Variants in AGPAT4 observed in about 807,000 individuals in gnomAD.
AGPAT4 encodes 1-acyl-sn-glycerol-3-phosphate acyltransferase delta.
AGPAT4 carries 15 observed loss-of-function variants against 48.0 expected under a neutral mutation model. The observed-to-expected ratio is 0.31, with a 90% CI of 0.21 to 0.48. The LOEUF (loss-of-function observed/expected upper bound fraction) is 0.48. Among genes scored for constraint, AGPAT4 ranks in the 20% least tolerant of loss-of-function variants. The pLI is 0.99. For missense variants in AGPAT4, 314 were observed against 482.5 expected (o/e 0.65, Z 3.27); for synonymous variants, 178 against 198.7 (o/e 0.90, Z 0.88).
chr6:161,231,963 C>A lies in AGPAT4; in HGVS notation c.178+73G>T. On this transcript the variant is annotated intron_variant, in intron 2 of 8. Transcript: ENST00000320285. This position sits in a 1 kb window ranked among gnomAD's most constrained non-coding sequence, Gnocchi z 5.3. Reference sequence around the variant, plus strand: ...GGCACACAACGAAAGCCTAGTGAATCCATATCAAGAGCCATAATTCTGATA... The same window carrying A: ...GGCACACAACGAAAGCCTAGTGAATACATATCAAGAGCCATAATTCTGATA... 1.4e-6 allele frequency: 2 copies of A among 1,435,402 alleles called. No homozygotes were observed. The highest frequency in any genetic ancestry group is 2.3e-5 in the East Asian group (1 of 42,840). 88.9% of individuals were successfully genotyped at this position (1,435,402 alleles called of 1,614,324 possible).
At chr6:161,167,834 C>G (rs1780150008) in intron 2 of AGPAT4, among the ~76,000 whole-genome samples, 1 of 152,188 alleles carries the variant, frequency 6.6e-6, no homozygotes, top group Non-Finnish European at 1.5e-5. Context: ...GGGGTTGCCC[C>G]AAAGGGTTCT....
At position 161,261,478 on chromosome 6, in the gene AGPAT4, A is replaced by G. The variant is rs2114751155; in HGVS notation, c.-90+12460T>C. Among the ~76,000 whole-genome samples, 1 of 152,322 alleles carries G rather than the reference A, an allele frequency of 6.6e-6. No individual in the cohort carries two copies. Among genetic ancestry groups the G allele is most frequent in the East Asian group, 1.9e-4 (1 of 5,178 alleles). On this transcript the variant is annotated intron_variant, in intron 1 of 8. Coordinates refer to ENST00000320285, the MANE Select transcript of AGPAT4 (RefSeq NM_020133.3). The surrounding 1 kb of genome is among the most constrained non-coding windows in gnomAD (Gnocchi z 5.3). ...AAATATCCATAGAATGAATGAACTG[A>G]ATGGTCAGTCACATTCACCACACTG...
In AGPAT4 at chr6:161,177,982, A is replaced by G. The variant is rs1780473100; in HGVS notation, c.179-11565T>C. On this transcript the variant is annotated intron_variant, in intron 2 of 8. Coordinates refer to ENST00000320285, the MANE Select transcript of AGPAT4 (RefSeq NM_020133.3). The surrounding 1 kb of genome is among the most constrained non-coding windows in gnomAD (Gnocchi z 5.0). ...AGAACAGCAAATATTACAGAACAGC[A>G]AATGTTGCTGCCTGATCCTTCCTCT... is the stretch of plus-strand genomic sequence containing the variant. 6.6e-6 allele frequency among the ~76,000 whole-genome samples: 1 copy of G among 152,194 alleles called. No homozygotes were observed. The highest frequency in any genetic ancestry group is 1.5e-5 in the Non-Finnish European group (1 of 68,034).
intron 1 of AGPAT4, among the ~76,000 whole-genome samples, chr6:161,250,197 G>T (rs751051862): frequency 2.0e-5 from 3 of 152,140 alleles, no homozygotes; most frequent in Non-Finnish European, 4.4e-5. Context: ...ATCAGATGGC[G>T]GAGGGTGGGA....
chr6:161,172,583 G>C (rs1780295601), intron 2 of AGPAT4, among the ~76,000 whole-genome samples: 1 of 152,214 alleles, frequency 6.6e-6, no homozygotes, highest in African/African-American at 2.4e-5. Context: ...CAGAGATGTG[G>C]TCAGGGCTTC....
chr6:161,199,184 A>G (rs1380711149), intron 2 of AGPAT4, among the ~76,000 whole-genome samples: 1 of 152,046 alleles, frequency 6.6e-6, no homozygotes, highest in African/African-American at 2.4e-5. Flanking sequence ...TCAGACTTGC[A>G]GAAACATACA....
At position 161,130,949 on chromosome 6, in the gene AGPAT4, C is replaced by CT. The variant is rs1228642818; in HGVS notation, c.*5590dup. Reference sequence around the variant, plus strand: ...ATGTCCTAGAATGTTTGGCAAAGATCTGGCTAAAACTAGTACTATGGAATA... The same window carrying CT: ...ATGTCCTAGAATGTTTGGCAAAGATCTTGGCTAAAACTAGTACTATGGAATA... On this transcript the variant is annotated 3_prime_UTR_variant, in exon 9 of 9. Transcript: ENST00000320285. 3.9e-6 allele frequency: 2 copies of CT among 517,826 alleles called. No homozygotes were observed. The highest frequency in any genetic ancestry group is 1.4e-5 in the South Asian group (1 of 71,508). 32.1% of individuals were successfully genotyped at this position (517,826 alleles called of 1,614,324 possible).
In AGPAT4 at chr6:161,164,232, T is replaced by C. The variant is rs1439831620; in HGVS notation, c.348+2016A>G. 2.0e-5 allele frequency among the ~76,000 whole-genome samples: 3 copies of C among 152,242 alleles called. No homozygotes were observed. Among genetic ancestry groups the C allele is most frequent in the African/African-American group, 7.2e-5 (3 of 41,460 alleles). ...CCGTCTGGGGGCTATGTCCTCTCTC[T>C]GGACCTGGGTCCCTCCCTGCATGTG... On this transcript the variant is annotated intron_variant, in intron 3 of 8. Transcript: ENST00000320285. The surrounding 1 kb of genome is among the most constrained non-coding windows in gnomAD (Gnocchi z 7.4).
chr6:161,183,160 T>C (rs962766976), intron 2 of AGPAT4, among the ~76,000 whole-genome samples: 4 of 152,116 alleles, frequency 2.6e-5, no homozygotes, highest in Non-Finnish European at 5.9e-5. Flanking sequence ...CAACACCAAG[T>C]GTTTCTGATG....
At position 161,144,707 on chromosome 6, in the gene AGPAT4, G is replaced by A. The variant is rs377602946; in HGVS notation, c.843+1817C>T. Among the ~76,000 whole-genome samples the A allele has an allele frequency of 2.6e-5, 4 of 152,124 alleles. No individual in the cohort carries two copies. The highest frequency in any genetic ancestry group is 1.9e-4 in the East Asian group (1 of 5,176). Reference sequence around the variant, plus strand: ...AAAAGTAACATTTTCGGCTGGGCACGGTGGCTCACGCCTGTAATCCCAGCA... The same window carrying A: ...AAAAGTAACATTTTCGGCTGGGCACAGTGGCTCACGCCTGTAATCCCAGCA... On this transcript the variant is annotated intron_variant, in intron 7 of 8. Coordinates refer to ENST00000320285, the MANE Select transcript of AGPAT4 (RefSeq NM_020133.3). This position sits in a 1 kb window ranked among gnomAD's most constrained non-coding sequence, Gnocchi z 6.6.
At chr6:161,145,973 G>A (rs145330860) in intron 7 of AGPAT4, among the ~76,000 whole-genome samples, 7 of 151,662 alleles carry the variant, frequency 4.6e-5, no homozygotes, top group African/African-American at 1.5e-4. Flanking sequence ...CTTTGGAGGA[G>A]AGAAACCAAT....
rs747421904 is a variant in AGPAT4, at chr6:161,216,722, C to G, written c.178+15314G>C. On this transcript the variant is annotated intron_variant, in intron 2 of 8. Coordinates refer to ENST00000320285, the MANE Select transcript of AGPAT4 (RefSeq NM_020133.3). The surrounding 1 kb of genome is among the most constrained non-coding windows in gnomAD (Gnocchi z 4.8). ...GAGGCGAAAGGCTCTTCTTAAGCAG[C>G]GACAGCAAGAGAAAATGAGAAAGAA... Among the ~76,000 whole-genome samples the G allele has an allele frequency of 6.6e-6, 1 of 152,126 alleles. No individual in the cohort carries two copies. Among genetic ancestry groups the G allele is most frequent in the African/African-American group, 2.4e-5 (1 of 41,424 alleles).
intron 2 of AGPAT4, among the ~76,000 whole-genome samples, chr6:161,210,998 T>G (rs748117529): frequency 1.3e-5 from 2 of 152,246 alleles, no homozygotes; most frequent in Non-Finnish European, 2.9e-5. Context: ...ATAAACTAAG[T>G]TCCTCCAAAA....
Position 161,219,055 on chromosome 6 carries a change from T to A in AGPAT4, c.178+12981A>T, listed in dbSNP as rs1781731436. ...ATGTTTGACAATGCCTCAGATCCCA[T>A]CTGGGCCCAAGATAAACTGAAATAG... is the stretch of plus-strand genomic sequence containing the variant. On this transcript the variant is annotated intron_variant, in intron 2 of 8. Transcript: ENST00000320285. This position sits in a 1 kb window ranked among gnomAD's most constrained non-coding sequence, Gnocchi z 4.9. Among the ~76,000 whole-genome samples the A allele has an allele frequency of 6.6e-6, 1 of 152,210 alleles. No individual in the cohort carries two copies. Among genetic ancestry groups the A allele is most frequent in the Non-Finnish European group, 1.5e-5 (1 of 68,028 alleles).
rs1237567461 is a variant in AGPAT4 at position 161,136,167 on chromosome 6, G to A, written c.*373C>T. 9.2e-6 allele frequency: 2 copies of A among 218,098 alleles called. No homozygotes were observed. Among genetic ancestry groups the A allele is most frequent in the East Asian group, 2.4e-4 (2 of 8,174 alleles). The allele number at this position is 218,098 out of a possible 1,614,324, so 13.5% of individuals were successfully genotyped here. On this transcript the variant is annotated 3_prime_UTR_variant, in exon 9 of 9. Transcript: ENST00000320285. The stretch of plus-strand genomic sequence containing the variant: ...TTCACTTTATCTCTGGCAACCAAGG[G>A]TTACAGAAAACTCAGCACCAAAGGA...
chr6:161,252,779 C>T (rs1410135460), intron 1 of AGPAT4, among the ~76,000 whole-genome samples: 1 of 152,098 alleles, frequency 6.6e-6, no homozygotes, highest in Non-Finnish European at 1.5e-5. Flanking sequence ...CACTGCATTC[C>T]AGCCTGGGTG....
intron 2 of AGPAT4, among the ~76,000 whole-genome samples, chr6:161,186,093 T>C (rs1022114854): frequency 1.3e-5 from 2 of 152,132 alleles, no homozygotes; most frequent in African/African-American, 4.8e-5. Context: ...TTGCCTACTC[T>C]GGGCTGCAGA....
chr6:161,193,427 A>G (rs1319667785), intron 2 of AGPAT4, among the ~76,000 whole-genome samples: 7 of 152,244 alleles, frequency 4.6e-5, no homozygotes, highest in Non-Finnish European at 7.3e-5. Context: ...TCTGAAGCTA[A>G]CATCATGGTT....
At position 161,169,208 on chromosome 6, in the gene AGPAT4, A is replaced by G. The variant is rs562415389; in HGVS notation, c.179-2791T>C. Reference sequence around the variant, plus strand: ...TATGATTTCATTCTAAAGGCAATATAAAAACCACTGGAGCATTTTTAAATA... The same window carrying G: ...TATGATTTCATTCTAAAGGCAATATGAAAACCACTGGAGCATTTTTAAATA... On this transcript the variant is annotated intron_variant, in intron 2 of 8. Coordinates refer to ENST00000320285, the MANE Select transcript of AGPAT4 (RefSeq NM_020133.3). This position sits in a 1 kb window ranked among gnomAD's most constrained non-coding sequence, Gnocchi z 5.0. Among the ~76,000 whole-genome samples, 3 of 152,304 alleles carry G rather than the reference A, an allele frequency of 2.0e-5. No individual in the cohort carries two copies. Among genetic ancestry groups the G allele is most frequent in the African/African-American group, 7.2e-5 (3 of 41,566 alleles).
Sources: allele counts gnomAD v4.1 joint callset (sites outside exome capture counted in the v4.1 genomes callset), GRCh38; gene constraint gnomAD v4.1.1; non-coding constraint Gnocchi (gnomAD v3.1); transcripts MANE v1.5; gene names NCBI Gene and HGNC (gene_info 2026-07-23, HGNC 2026-07-21).